Variants in KCND2 observed in about 807,000 individuals in gnomAD.
KCND2 encodes the protein potassium voltage-gated channel subfamily D member 2.
A neutral mutation model predicts 54.4 loss-of-function variants in KCND2; 16 were observed. The ratio of observed to expected loss-of-function variants is 0.29; its 90% CI spans 0.20 to 0.45. The LOEUF (loss-of-function observed/expected upper bound fraction) is 0.45. Ranked by LOEUF, KCND2 falls within the 20% of genes least tolerant of loss-of-function variation. The probability of loss-of-function intolerance (pLI) is 1.00; values close to 1 mark genes in which losing one functional copy is unlikely to be tolerated. For synonymous variants in KCND2, 317 were observed against 310.7 expected (o/e 1.02, Z -0.21); for missense variants, 486 against 824.2 (o/e 0.59, Z 5.02).
intron 1 of KCND2, among the ~76,000 whole-genome samples, chr7:120,389,918 C>T (rs1801047511): frequency 6.6e-6 from 1 of 151,810 alleles, no homozygotes; most frequent in Non-Finnish European, 1.5e-5. Context: ...CCTTGATCAC[C>T]TATTAATGAG....
At chr7:120,279,245 G>A (rs1460883013) in intron 1 of KCND2, among the ~76,000 whole-genome samples, 1 of 151,934 alleles carries the variant, frequency 6.6e-6, no homozygotes, top group Admixed American at 6.6e-5. Context: ...GAAATTAGAA[G>A]TGGTACCAGG....
intron 1 of KCND2, among the ~76,000 whole-genome samples, chr7:120,300,218 T>C (rs1218705342): frequency 6.6e-6 from 1 of 152,128 alleles, no homozygotes; most frequent in Admixed American, 6.6e-5. Flanking sequence ...TAATTTGGAA[T>C]TGACCAATTC....
chr7:120,457,799 CTT>C (rs1802221426), intron 1 of KCND2, among the ~76,000 whole-genome samples: 1 of 152,162 alleles, frequency 6.6e-6, no homozygotes, highest in Non-Finnish European at 1.5e-5. Flanking sequence ...TTTCAGGTAT[CTT>C]TACAGCAGTG....
intron 1 of KCND2, among the ~76,000 whole-genome samples, chr7:120,686,920 C>G (rs1792209343): frequency 6.6e-6 from 1 of 152,154 alleles, no homozygotes; most frequent in Non-Finnish European, 1.5e-5. Context: ...TATTGGAAGA[C>G]TGCCTTTCCT....
intron 1 of KCND2, among the ~76,000 whole-genome samples, chr7:120,674,060 C>T (rs1047204588): frequency 1.3e-5 from 2 of 151,976 alleles, no homozygotes; most frequent in African/African-American, 2.4e-5. Flanking sequence ...TGCGTCACCA[C>T]GCTGGGCTAA....
chr7:120,467,346 C>T (rs1252946306), intron 1 of KCND2, among the ~76,000 whole-genome samples: 2 of 152,120 alleles, frequency 1.3e-5, no homozygotes, highest in African/African-American at 2.4e-5. Flanking sequence ...CAAGACTAAA[C>T]TAGAACAGAA....
intron 1 of KCND2, among the ~76,000 whole-genome samples, chr7:120,731,102 A>T (rs1056772885): frequency 6.6e-6 from 1 of 152,134 alleles, no homozygotes; most frequent in Non-Finnish European, 1.5e-5. Flanking sequence ...CCAGGAGTGC[A>T]CTCTAGACAA....
intron 1 of KCND2, among the ~76,000 whole-genome samples, chr7:120,640,811 G>T (rs1793361950): frequency 6.6e-6 from 1 of 152,118 alleles, no homozygotes; most frequent in Non-Finnish European, 1.5e-5. Flanking sequence ...CACTGTATCT[G>T]GGGGGCCTTT....
intron 1 of KCND2, among the ~76,000 whole-genome samples, chr7:120,467,792 A>G (rs1019542141): frequency 1.3e-5 from 2 of 152,092 alleles, no homozygotes; most frequent in Non-Finnish European, 2.9e-5. Context: ...CAGGAAAGAA[A>G]ACAATTGTAA....
rs117926193 is a variant in KCND2 at position 120,616,324 on chromosome 7, G to A, written c.1116-116579G>A. Among the ~76,000 whole-genome samples, 608 of 152,256 alleles carry A rather than the reference G, an allele frequency of 4.0e-3. 1 individual carries two copies. The highest frequency in any genetic ancestry group is 7.0e-3 in the Non-Finnish European group (476 of 68,010). Reference sequence around the variant, plus strand: ...AACAACTCAAAAAGGCTGTTATGAGGATTAAATGAGGTAACACATATAAAG... The same window carrying A: ...AACAACTCAAAAAGGCTGTTATGAGAATTAAATGAGGTAACACATATAAAG... On this transcript the variant is annotated intron_variant, in intron 1 of 5. Transcript: ENST00000331113.
chr7:120,695,859 T>C (rs1792326938), intron 1 of KCND2, among the ~76,000 whole-genome samples: 3 of 152,212 alleles, frequency 2.0e-5, no homozygotes, highest in Admixed American at 2.0e-4. Flanking sequence ...AGATGGAAGT[T>C]GATTGACCAC....
rs375632938 is a variant in KCND2 at position 120,389,112 on chromosome 7, A to G, written c.1115+113365A>G. Among the ~76,000 whole-genome samples, 83 of 152,010 alleles carry G rather than the reference A, an allele frequency of 5.5e-4. No homozygotes were observed. The East Asian group carries it at 0.014, about 26-fold the overall frequency. On this transcript the variant is annotated intron_variant, in intron 1 of 5. Coordinates refer to ENST00000331113, the MANE Select transcript of KCND2 (RefSeq NM_012281.3). ...ACTGATTTTAATCCACAAAGAAGAT[A>G]GTACATTGCCAAATAGGGGAAAAAA...
At chr7:120,280,344 T>C (rs1219893778) in intron 1 of KCND2, among the ~76,000 whole-genome samples, 4 of 152,102 alleles carry the variant, frequency 2.6e-5, no homozygotes, top group Non-Finnish European at 5.9e-5. Flanking sequence ...AAAATATGTA[T>C]GTTAATCCAG....
At chr7:120,338,882 A>G (rs1800191717) in intron 1 of KCND2, among the ~76,000 whole-genome samples, 1 of 151,546 alleles carries the variant, frequency 6.6e-6, no homozygotes, top group Non-Finnish European at 1.5e-5. Context: ...TAACCTTGCT[A>G]CTATCTTTTT....
intron 1 of KCND2, among the ~76,000 whole-genome samples, chr7:120,344,243 A>G (rs534564415): frequency 5.3e-5 from 8 of 152,186 alleles, no homozygotes; most frequent in Middle Eastern, 3.2e-3. Flanking sequence ...GTGGATATAC[A>G]TTAGAAAACA....
At chr7:120,511,867 C>T (rs565199419) in intron 1 of KCND2, among the ~76,000 whole-genome samples, 47 of 152,174 alleles carry the variant, frequency 3.1e-4, no homozygotes, top group Middle Eastern at 6.8e-3. Context: ...CCTCACAAAA[C>T]GGAATTTCAG....
chr7:120,595,847 C>A (rs1348283831), intron 1 of KCND2, among the ~76,000 whole-genome samples: 1 of 150,680 alleles, frequency 6.6e-6, no homozygotes, highest in Non-Finnish European at 1.5e-5. Flanking sequence ...ACATAAAAGA[C>A]ACTCAAATAA....
intron 1 of KCND2, among the ~76,000 whole-genome samples, chr7:120,496,945 A>G (rs1802856830): frequency 6.6e-6 from 1 of 152,168 alleles, no homozygotes; most frequent in Non-Finnish European, 1.5e-5. Flanking sequence ...AATACAATTC[A>G]TTATTCGATA....
At position 120,742,578 on chromosome 7, in the gene KCND2, G is replaced by A; in HGVS notation, c.1443G>A (p.Leu481=). Residue 481 remains leucine, a synonymous_variant, in exon 4 of 6, where the codon CTG becomes CTA. Coordinates refer to ENST00000331113, the MANE Select transcript of KCND2 (RefSeq NM_012281.3). ...GSSFETQHHH[L]LHCLEKTTNH... ...GCTTTGAAACCCAGCACCACCACCTGCTTCACTGCCTGGAAAAAACCACGG... is the reference window on the plus strand; with the variant it reads ...GCTTTGAAACCCAGCACCACCACCTACTTCACTGCCTGGAAAAAACCACGG... The A allele has an allele frequency of 6.2e-7, 1 of 1,613,426 alleles. No individual in the cohort carries two copies.
Sources: gnomAD v4.1 joint callset for allele counts (sites outside exome capture counted in the v4.1 genomes callset) on GRCh38, gnomAD v4.1.1 for gene constraint, MANE v1.5 for transcripts, NCBI Gene and HGNC (gene_info 2026-07-23, HGNC 2026-07-21) for gene names.